FAT3: variants seen among roughly 807,000 people sequenced by gnomAD.
The protein encoded by FAT3 is FAT atypical cadherin 3.
FAT3 carries 95 observed loss-of-function variants against 310.2 expected under a neutral mutation model. The observed-to-expected ratio is 0.31, with a 90% CI of 0.26 to 0.36. The LOEUF (loss-of-function observed/expected upper bound fraction) is 0.36. FAT3 is among the 10% of genes least tolerant of loss of function. The probability of loss-of-function intolerance (pLI) is 1.00; values close to 1 mark genes in which losing one functional copy is unlikely to be tolerated. For missense variants in FAT3, 5,408 were observed against 5,715.6 expected (o/e 0.95, Z 1.74); for synonymous variants, 2,314 against 2,192.9 (o/e 1.06, Z -1.54).
At chr11:92,817,859 G>A (rs905199565) in intron 13 of FAT3, among the ~76,000 whole-genome samples, 3 of 152,066 alleles carry the variant, frequency 2.0e-5, no homozygotes, top group Non-Finnish European at 2.9e-5. Flanking sequence ...GACACATCTC[G>A]CCTTTTTTGT....
intron 3 of FAT3, among the ~76,000 whole-genome samples, chr11:92,680,402 A>G (rs1348250892): frequency 2.0e-5 from 3 of 152,200 alleles, no homozygotes; most frequent in Non-Finnish European, 4.4e-5. Context: ...AACTTTGTCA[A>G]AGATAAGTTG....
chr11:92,685,519 CAT>C (rs1491498722), intron 3 of FAT3, among the ~76,000 whole-genome samples: 1 of 151,714 alleles, frequency 6.6e-6, no homozygotes, highest in East Asian at 1.9e-4. Flanking sequence ...TGGATGGAAG[CAT>C]GTGTGTGTGT....
At chr11:92,663,673 A>G (rs1249989215) in intron 3 of FAT3, among the ~76,000 whole-genome samples, 2 of 152,166 alleles carry the variant, frequency 1.3e-5, no homozygotes, top group South Asian at 2.1e-4. Context: ...TGCTGTCTCT[A>G]TCTTCCCACA....
intron 1 of FAT3, among the ~76,000 whole-genome samples, chr11:92,240,218 C>T (rs117191819): frequency 8.7e-4 from 130 of 150,094 alleles, no homozygotes; most frequent in Non-Finnish European, 1.2e-3. Context: ...TTTAATTGTA[C>T]TGTGACTGAG....
Position 92,891,491 on chromosome 11 carries a change from AAT to A in FAT3, c.*379_*380del. 1 of 212,984 alleles carries A rather than the reference AAT, an allele frequency of 4.7e-6. No homozygotes were observed. Among genetic ancestry groups the A allele is most frequent in the South Asian group, 9.5e-5 (1 of 10,518 alleles). The allele number at this position is 212,984 out of a possible 1,614,324, so 13.2% of individuals were successfully genotyped here. ...CCTTGCAGTATTAAAAACTGGCAAC[AAT>A]CAAAGAGGCATTGTTGCATGTAATT... On this transcript the variant is annotated 3_prime_UTR_variant, in exon 28 of 28. Coordinates refer to ENST00000525166, the MANE Select transcript of FAT3 (RefSeq NM_001367949.2).
At chr11:92,774,300 T>TA in intron 7 of FAT3, 120 bp downstream of exon 7, 1 of 1,116,450 alleles carries the variant, frequency 9.0e-7, no homozygotes, top group Non-Finnish European at 1.2e-6. Context: ...TTCTAGTGTT[T>TA]AAAAAAATCA....
intron 2 of FAT3, among the ~76,000 whole-genome samples, chr11:92,458,131 C>G (rs1210076863): frequency 6.6e-6 from 1 of 152,104 alleles, no homozygotes; most frequent in African/African-American, 2.4e-5. Flanking sequence ...TCCTTTCTTT[C>G]CTGCTATGGT....
At chr11:92,233,665 T>A (rs560129730) in intron 1 of FAT3, among the ~76,000 whole-genome samples, 1 of 152,338 alleles carries the variant, frequency 6.6e-6, no homozygotes, top group South Asian at 2.1e-4. Flanking sequence ...ATGGGACTTA[T>A]ATTTATATTC....
intron 3 of FAT3, among the ~76,000 whole-genome samples, chr11:92,679,495 T>A (rs1232657134): frequency 6.6e-6 from 1 of 152,118 alleles, no homozygotes; most frequent in East Asian, 1.9e-4. Context: ...ATAGCCATTC[T>A]AACTGAGGTA....
At chr11:92,595,025 G>C (rs1260364640) in intron 3 of FAT3, among the ~76,000 whole-genome samples, 1 of 149,708 alleles carries the variant, frequency 6.7e-6, no homozygotes, top group Non-Finnish European at 1.5e-5. Context: ...GTGTGTGTGT[G>C]TATCCTTTGG....
intron 3 of FAT3, among the ~76,000 whole-genome samples, chr11:92,618,458 G>T (rs923793211): frequency 6.6e-6 from 1 of 152,112 alleles, no homozygotes; most frequent in Non-Finnish European, 1.5e-5. Flanking sequence ...CCCTGCTTCG[G>T]CTCACACTCT....
chr11:92,480,645 G>T (rs1952197351), intron 2 of FAT3, among the ~76,000 whole-genome samples: 1 of 152,200 alleles, frequency 6.6e-6, no homozygotes. Context: ...GATGCATGTG[G>T]CTTTTCCTGG....
At chr11:92,781,078 T>TC (rs1946739503) in intron 7 of FAT3, among the ~76,000 whole-genome samples, 1 of 144,766 alleles carries the variant, frequency 6.9e-6, no homozygotes, top group Admixed American at 6.9e-5. Context: ...CTTTATTCTT[T>TC]TTTTTTTTTT....
At chr11:92,637,166 C>T (rs1361358382) in intron 3 of FAT3, among the ~76,000 whole-genome samples, 2 of 152,194 alleles carry the variant, frequency 1.3e-5, no homozygotes, top group Non-Finnish European at 2.9e-5. Flanking sequence ...CATTTCCTCT[C>T]TCACAAAGCT....
At chr11:92,421,821 C>A (rs569656341) in intron 2 of FAT3, among the ~76,000 whole-genome samples, 1 of 152,278 alleles carries the variant, frequency 6.6e-6, no homozygotes, top group East Asian at 1.9e-4. Flanking sequence ...ATGGGCTCAG[C>A]CCCAGGTAGA....
intron 1 of FAT3, among the ~76,000 whole-genome samples, chr11:92,315,514 G>GAC (rs1441491506): frequency 2.1e-3 from 124 of 60,316 alleles, no homozygotes; most frequent in Admixed American, 4.2e-3. Context: ...TATATATATA[G>GAC]AGAGAGAGAG....
At chr11:92,662,611 C>A (rs1942823544) in intron 3 of FAT3, among the ~76,000 whole-genome samples, 1 of 152,076 alleles carries the variant, frequency 6.6e-6, no homozygotes, top group Non-Finnish European at 1.5e-5. Flanking sequence ...AATTAAATTG[C>A]CAAAGAAAAC....
At chr11:92,364,139 A>C (rs1327234698) in intron 2 of FAT3, among the ~76,000 whole-genome samples, 1 of 152,140 alleles carries the variant, frequency 6.6e-6, no homozygotes, top group Admixed American at 6.5e-5. Flanking sequence ...AGGTAATCCA[A>C]ATAGGTTGGC....
intron 18 of FAT3, among the ~76,000 whole-genome samples, chr11:92,841,749 C>G (rs949088381): frequency 6.6e-6 from 1 of 152,304 alleles, no homozygotes; most frequent in South Asian, 2.1e-4. Flanking sequence ...CTCCCTCCCC[C>G]AGTCCCTTGT....
Sources: allele counts gnomAD v4.1 joint callset (sites outside exome capture counted in the v4.1 genomes callset), GRCh38; gene constraint gnomAD v4.1.1; transcripts MANE v1.5; gene names NCBI Gene and HGNC (gene_info 2026-07-23, HGNC 2026-07-21).